SPEG: variants seen among roughly 807,000 people sequenced by gnomAD.
SPEG encodes the protein striated muscle preferentially expressed protein kinase.
A neutral mutation model predicts 300.4 loss-of-function variants in SPEG; 114 were observed. That is an observed-to-expected ratio of 0.38 (90% CI 0.33 to 0.44). The LOEUF (loss-of-function observed/expected upper bound fraction) is 0.44. Among genes scored for constraint, SPEG ranks in the 20% least tolerant of loss-of-function variants. The probability of loss-of-function intolerance (pLI) is 1.00; values close to 1 mark genes in which losing one functional copy is unlikely to be tolerated. For synonymous variants in SPEG, 1,964 were observed against 2,018.9 expected (o/e 0.97, Z 0.73); for missense variants, 4,201 against 4,586.2 (o/e 0.92, Z 2.43).
intron 30 of SPEG, 36 bp from the exon 31 acceptor site, chr2:219,485,310 G>T: frequency 6.3e-7 from 1 of 1,591,066 alleles, no homozygotes; most frequent in South Asian, 1.1e-5. Flanking sequence ...TGCTGGTACT[G>T]ACTGAACAAA....
Position 219,488,907 on chromosome 2 carries a change from A to G in SPEG, c.8149+7A>G. On this transcript the variant is annotated splice_region_variant and intron_variant, in intron 34 of 40. Coordinates refer to ENST00000312358, the MANE Select transcript of SPEG (RefSeq NM_005876.5). ...CTGGAGCGGCGAGTGGATGGTGAGG[A>G]TGGGGCAGCTGGAGGGTTGGGGGAG... 1 of 1,583,250 alleles carries G rather than the reference A, an allele frequency of 6.3e-7. No homozygotes were observed. Among genetic ancestry groups the G allele is most frequent in the Middle Eastern group, 1.8e-4 (1 of 5,482 alleles).
chr2:219,470,196 G>A (rs1691745856), intron 13 of SPEG, among the ~76,000 whole-genome samples: 2 of 152,206 alleles, frequency 1.3e-5, no homozygotes, highest in African/African-American at 4.8e-5. Context: ...CTTGCCACAG[G>A]CCTATAAGGC....
chr2:219,447,437 C>T (rs1689388427), intron 3 of SPEG, among the ~76,000 whole-genome samples: 1 of 152,096 alleles, frequency 6.6e-6, no homozygotes, highest in African/African-American at 2.4e-5. Context: ...TGGGGCACTG[C>T]CCCCCAAAAG....
In SPEG at chr2:219,445,851, C is replaced by A. The variant is rs948444376; in HGVS notation, c.815+690C>A. 7.2e-5 allele frequency among the ~76,000 whole-genome samples: 11 copies of A among 151,924 alleles called. No individual in the cohort carries two copies. The highest frequency in any genetic ancestry group is 2.4e-4 in the African/African-American group (10 of 41,330). Reference sequence around the variant, plus strand: ...TTGCAATGATTTCTCTCATGGGAAACCCCTAAGTCCCTGAGGGTGGGATTC... The same window carrying A: ...TTGCAATGATTTCTCTCATGGGAAAACCCTAAGTCCCTGAGGGTGGGATTC... On this transcript the variant is annotated intron_variant, in intron 3 of 40. Transcript: ENST00000312358. The surrounding 1 kb of genome is among the most constrained non-coding windows in gnomAD (Gnocchi z 6.1).
chr2:219,485,508 C>T (rs766446923), intron 31 of SPEG, 31 bp downstream of exon 31: 4 of 1,515,128 alleles, frequency 2.6e-6, no homozygotes, highest in Non-Finnish European at 3.5e-6. Flanking sequence ...TGAGGACCCT[C>T]CTCCCCTCCT....
intron 3 of SPEG, among the ~76,000 whole-genome samples, chr2:219,447,606 T>C (rs890915773): frequency 6.6e-6 from 1 of 151,122 alleles, no homozygotes; most frequent in Non-Finnish European, 1.5e-5. Context: ...CACCCTCTTG[T>C]CTTCCCTCCC....
chr2:219,471,197 T>G (rs917753513), intron 13 of SPEG, among the ~76,000 whole-genome samples: 1 of 152,096 alleles, frequency 6.6e-6, no homozygotes, highest in Non-Finnish European at 1.5e-5. Flanking sequence ...TGTACCCACT[T>G]AAACTATGTC....
Position 219,439,578 on chromosome 2 carries a change from T to C in SPEG, c.388+4213T>C, listed in dbSNP as rs932000180. 6.6e-6 allele frequency among the ~76,000 whole-genome samples: 1 copy of C among 151,882 alleles called. No homozygotes were observed. Among genetic ancestry groups the C allele is most frequent in the African/African-American group, 2.4e-5 (1 of 41,304 alleles). On this transcript the variant is annotated intron_variant, in intron 1 of 40. Coordinates refer to ENST00000312358, the MANE Select transcript of SPEG (RefSeq NM_005876.5). This position sits in a 1 kb window ranked among gnomAD's most constrained non-coding sequence, Gnocchi z 4.5. The stretch of plus-strand genomic sequence containing the variant: ...GAGGGAAATGCTGGCAGTGCAGAAA[T>C]TGGAAGTCTGGGTTTGGGGGAGTGG...
intron 18 of SPEG, among the ~76,000 whole-genome samples, chr2:219,475,476 T>C (rs941422800): frequency 2.0e-5 from 3 of 152,142 alleles, no homozygotes; most frequent in African/African-American, 7.2e-5. Flanking sequence ...AAGTGGAAGA[T>C]AAGTGGCAAT....
Position 219,443,203 on chromosome 2 carries a change from G to A in SPEG, c.389-1450G>A, listed in dbSNP as rs1689055767. ...TAGCCCATGCCTACTCCTCCTCTTG[G>A]TCCCTGTCCCTCTGTGAGGCATCGA... On this transcript the variant is annotated intron_variant, in intron 1 of 40. Coordinates refer to ENST00000312358, the MANE Select transcript of SPEG (RefSeq NM_005876.5). This position sits in a 1 kb window ranked among gnomAD's most constrained non-coding sequence, Gnocchi z 4.6. 1 of 1,556,390 alleles carries A rather than the reference G, an allele frequency of 6.4e-7. No homozygotes were observed. Among genetic ancestry groups the A allele is most frequent in the Admixed American group, 1.7e-5 (1 of 59,920 alleles).
intron 13 of SPEG, 192 bp from the exon 14 acceptor site, chr2:219,471,676 C>CTT: frequency 1.5e-6 from 1 of 649,856 alleles, no homozygotes; most frequent in South Asian, 1.9e-5. Context: ...GAAGCCAGCC[C>CTT]GGGCCCAGAC....
chr2:219,450,131 A>T (rs1180153035), intron 4 of SPEG, among the ~76,000 whole-genome samples: 2 of 152,178 alleles, frequency 1.3e-5, no homozygotes, highest in Non-Finnish European at 2.9e-5. Flanking sequence ...ATTATTTTGC[A>T]TTTAAGTATT....
intron 1 of SPEG, among the ~76,000 whole-genome samples, chr2:219,441,199 C>G (rs924303531): frequency 6.6e-6 from 1 of 152,104 alleles, no homozygotes; most frequent in Non-Finnish European, 1.5e-5. Context: ...GGGCAGGGAT[C>G]GGGTGGAACA....
Position 219,490,581 on chromosome 2 carries a change from C to T in SPEG, c.9094C>T (p.Pro3032Ser), listed in dbSNP as rs1237704484. The T allele has an allele frequency of 8.1e-6, 13 of 1,613,898 alleles. No homozygotes were observed. The highest frequency in any genetic ancestry group is 1.7e-5 in the Admixed American group (1 of 60,010). Reference sequence around the variant, plus strand: ...GTCCCTGCACGAGGCCTACATCACCCCTCGGTACCTCGTGCTCATTGCTGA... The same window carrying T: ...GTCCCTGCACGAGGCCTACATCACCTCTCGGTACCTCGTGCTCATTGCTGA... Reference protein sequence around the residue: ...IMSLHEAYITPRYLVLIAESC... With the variant: ...IMSLHEAYITSRYLVLIAESC... The change falls in exon 37 of 41, where the codon CCT becomes TCT. Residue 3032 changes from proline to serine, a missense_variant. Pro to Ser is a moderately conservative substitution (Grantham distance 74). Around this residue, in one of 4 missense-constraint regions of SPEG, gnomAD observed 318 missense variants for 429.5 expected, o/e 0.74. Transcript: ENST00000312358.
Position 219,477,360 on chromosome 2 carries a change from G to A in SPEG, c.4644G>A (p.Gly1548=). ...NECSLVVLST[G]AQDGGVYTCT... The stretch of plus-strand genomic sequence containing the variant: ...GCTCCCTGGTGGTGCTCAGCACGGG[G>A]GCCCAGGATGGAGGCGTCTACACCT... The change falls in exon 20 of 41, where the codon GGG becomes GGA. Residue 1548 remains glycine, a synonymous_variant. Transcript: ENST00000312358. The surrounding 1 kb of genome is among the most constrained non-coding windows in gnomAD (Gnocchi z 6.4). The A allele has an allele frequency of 6.2e-7, 1 of 1,613,240 alleles. No homozygotes were observed. The highest frequency in any genetic ancestry group is 8.5e-7 in the Non-Finnish European group (1 of 1,179,730).
At chr2:219,485,201 C>A (rs545412534) in intron 30 of SPEG, 129 bp downstream of exon 30, 131 of 1,479,872 alleles carry the variant, frequency 8.9e-5, no homozygotes, top group South Asian at 8.2e-4. Context: ...GTGGAATCAG[C>A]AGGGCTGGAG....
rs369624055 is a variant in SPEG, at chr2:219,444,099, C to A, written c.389-554C>A. The A allele has an allele frequency of 9.2e-5, 122 of 1,332,620 alleles. No homozygotes were observed. Among genetic ancestry groups the A allele is most frequent in the East Asian group, 3.8e-4 (8 of 20,984 alleles). 82.5% of individuals were successfully genotyped at this position (1,332,620 alleles called of 1,614,324 possible). On this transcript the variant is annotated intron_variant, in intron 1 of 40. Transcript: ENST00000312358. The surrounding 1 kb of genome is among the most constrained non-coding windows in gnomAD (Gnocchi z 7.8). ...CCTGCTCTAGCCCCCCGCATCCCCC[C>A]CTTTCCCACCCGGCCCCGGCCTCTC...
chr2:219,453,262 G>A (rs1482237763), intron 6 of SPEG, among the ~76,000 whole-genome samples: 1 of 152,260 alleles, frequency 6.6e-6, no homozygotes, highest in Non-Finnish European at 1.5e-5. Context: ...GGGCGAGGCA[G>A]TTGTCAGCCC....
chr2:219,490,963 G>A lies in SPEG; in HGVS notation c.9385+7G>A, dbSNP rs779353336. Reference sequence around the variant, plus strand: ...GGCACGCTGGAGTTCATGGGTGAGGGGACCAGCTGCCAGCCAGGGTGGGGA... The same window carrying A: ...GGCACGCTGGAGTTCATGGGTGAGGAGACCAGCTGCCAGCCAGGGTGGGGA... On this transcript the variant is annotated splice_region_variant and intron_variant, in intron 38 of 40. Transcript: ENST00000312358. The A allele has an allele frequency of 2.0e-5, 32 of 1,605,988 alleles. No individual in the cohort carries two copies. In the Middle Eastern group the frequency reaches 5.1e-4, roughly 26 times the overall value.
Sources: gnomAD v4.1 joint callset for allele counts (sites outside exome capture counted in the v4.1 genomes callset) on GRCh38, gnomAD v4.1.1 for gene constraint, gnomAD v4.1.1 regional missense constraint, Gnocchi (gnomAD v3.1) non-coding constraint, MANE v1.5 for transcripts, NCBI Gene and HGNC (gene_info 2026-07-23, HGNC 2026-07-21) for gene names.